MACROD2: variants seen among roughly 807,000 people sequenced by gnomAD.
The protein encoded by MACROD2 is mono-ADP ribosylhydrolase 2.
MACROD2 carries 36 observed loss-of-function variants against 70.4 expected under a neutral mutation model. The ratio of observed to expected loss-of-function variants is 0.51; its 90% CI spans 0.39 to 0.68. The LOEUF is 0.68. MACROD2 is among the 30% of genes least tolerant of loss of function. The pLI, the probability that MACROD2 is intolerant of heterozygous loss-of-function variation, is 0.00. For missense variants in MACROD2, 496 were observed against 538.4 expected (o/e 0.92, Z 0.78); for synonymous variants, 172 against 178.8 (o/e 0.96, Z 0.30).
chr20:14,435,367 T>C (rs915003537), intron 3 of MACROD2, among the ~76,000 whole-genome samples: 4 of 152,172 alleles, frequency 2.6e-5, no homozygotes, highest in African/African-American at 9.7e-5. Flanking sequence ...GCAAAGACCC[T>C]TTTTCCAATT....
intron 2 of MACROD2, among the ~76,000 whole-genome samples, chr20:14,036,179 T>C (rs2053307706): frequency 6.6e-6 from 1 of 151,990 alleles, no homozygotes; most frequent in Admixed American, 6.5e-5. Context: ...AGTTATTCAA[T>C]AATGAATAAG....
chr20:15,066,646 G>A (rs1401975336), intron 5 of MACROD2, among the ~76,000 whole-genome samples: 3 of 152,004 alleles, frequency 2.0e-5, no homozygotes, highest in Non-Finnish European at 2.9e-5. Context: ...TTGGGAGGCC[G>A]AGGCGGGTAG....
In MACROD2 at chr20:15,347,041, C is replaced by A. The variant is rs1005705826; in HGVS notation, c.541-84364C>A. ...GTTCATTCCAGTTCTTTCCTTGCTG[C>A]CTTCACAACTTTTTATTGGACCAGT... On this transcript the variant is annotated intron_variant, in intron 6 of 17. Transcript: ENST00000684519. 3.9e-5 allele frequency among the ~76,000 whole-genome samples: 6 copies of A among 152,282 alleles called. No homozygotes were observed. In the South Asian group the frequency reaches 1.2e-3, roughly 32 times the overall value.
At chr20:15,301,056 G>A (rs6034149) in intron 6 of MACROD2, among the ~76,000 whole-genome samples, 43,954 of 152,026 alleles carry the variant, frequency 0.29, 6,630 homozygotes, top group African/African-American at 0.36. Context: ...AACGTGTTCT[G>A]CTTAAGAACA....
At chr20:14,120,180 T>C (rs1161717950) in intron 3 of MACROD2, among the ~76,000 whole-genome samples, 1 of 132,066 alleles carries the variant, frequency 7.6e-6, no homozygotes, top group Admixed American at 9.1e-5. Context: ...GCCACTGCAC[T>C]CTAGCCTGGG....
chr20:15,336,878 G>A (rs964088852), intron 6 of MACROD2, among the ~76,000 whole-genome samples: 5 of 151,612 alleles, frequency 3.3e-5, no homozygotes, highest in Admixed American at 1.3e-4. Flanking sequence ...GGGTGTATGC[G>A]GACTTGTTCT....
At chr20:14,391,924 C>A (rs941683934) in intron 3 of MACROD2, among the ~76,000 whole-genome samples, 1 of 150,752 alleles carries the variant, frequency 6.6e-6, no homozygotes, top group Non-Finnish European at 1.5e-5. Flanking sequence ...CAGCATCATG[C>A]AATATACCCA....
chr20:16,024,528 C>CAG (rs2067050874), intron 15 of MACROD2, among the ~76,000 whole-genome samples: 1 of 132,856 alleles, frequency 7.5e-6, no homozygotes, highest in Non-Finnish European at 1.7e-5. Context: ...CACACACACA[C>CAG]AGACACACAC....
At chr20:15,127,688 G>A (rs576871833) in intron 5 of MACROD2, among the ~76,000 whole-genome samples, 2 of 152,208 alleles carry the variant, frequency 1.3e-5, no homozygotes, top group Admixed American at 6.6e-5. Flanking sequence ...AAGAGGTAAA[G>A]GGAGGTGGAT....
intron 7 of MACROD2, among the ~76,000 whole-genome samples, chr20:15,490,174 C>T (rs1329318377): frequency 1.3e-5 from 2 of 150,670 alleles, no homozygotes; most frequent in Non-Finnish European, 3.0e-5. Flanking sequence ...TTCCTCCTTT[C>T]CTTCCTTCCT....
intron 8 of MACROD2, among the ~76,000 whole-genome samples, chr20:15,587,367 G>A (rs758705101): frequency 2.0e-5 from 3 of 152,248 alleles, no homozygotes; most frequent in Middle Eastern, 3.4e-3. Flanking sequence ...GTTGAGATTT[G>A]AATGGGGACA....
chr20:14,709,846 A>T (rs2071316830), intron 5 of MACROD2, among the ~76,000 whole-genome samples: 3 of 152,238 alleles, frequency 2.0e-5, no homozygotes, highest in African/African-American at 7.2e-5. Flanking sequence ...AGTTTTCTGG[A>T]AAATGTACCT....
chr20:15,862,892 T>C, intron 9 of MACROD2, 66 bp downstream of exon 9: 2 of 1,185,376 alleles, frequency 1.7e-6, no homozygotes, highest in Non-Finnish European at 2.4e-6. Context: ...GTCACTTCTA[T>C]TCCTATTGTT....
intron 6 of MACROD2, among the ~76,000 whole-genome samples, chr20:15,387,155 C>A (rs2045724750): frequency 6.6e-6 from 1 of 152,070 alleles, no homozygotes; most frequent in African/African-American, 2.4e-5. Flanking sequence ...TAGGAAAGAC[C>A]TAGAATGCAG....
intron 6 of MACROD2, among the ~76,000 whole-genome samples, chr20:15,307,655 A>G (rs2146140145): frequency 6.6e-6 from 1 of 152,304 alleles, no homozygotes; most frequent in South Asian, 2.1e-4. Flanking sequence ...TAGTTTAATT[A>G]TTAACATTAA....
rs2083252113 is a variant in MACROD2 at position 14,364,289 on chromosome 20, A to G, written c.272-129190A>G. ...GGTTTGTTAGTGGAAGTTCCACTTTATGAAGGCAGATTCCTGCTGATGTAG... is the reference window on the plus strand; with the variant it reads ...GGTTTGTTAGTGGAAGTTCCACTTTGTGAAGGCAGATTCCTGCTGATGTAG... On this transcript the variant is annotated intron_variant, in intron 3 of 17. Transcript: ENST00000684519. 2.0e-5 allele frequency among the ~76,000 whole-genome samples: 3 copies of G among 152,222 alleles called. No homozygotes were observed. The South Asian group carries it at 6.2e-4, about 31-fold the overall frequency.
chr20:14,806,831 C>T (rs948559456), intron 5 of MACROD2, among the ~76,000 whole-genome samples: 1 of 152,058 alleles, frequency 6.6e-6, no homozygotes, highest in African/African-American at 2.4e-5. Context: ...CTGGGAAGTT[C>T]GAACTGGGCA....
chr20:14,413,865 C>T (rs2083774856), intron 3 of MACROD2, among the ~76,000 whole-genome samples: 1 of 149,484 alleles, frequency 6.7e-6, no homozygotes, highest in African/African-American at 2.5e-5. Flanking sequence ...ACAGCCTTTG[C>T]TCTTGGTGTG....
intron 6 of MACROD2, among the ~76,000 whole-genome samples, chr20:15,369,051 T>C (rs897474127): frequency 8.5e-5 from 13 of 152,194 alleles, no homozygotes; most frequent in African/African-American, 2.4e-4. Flanking sequence ...TTATAATGGT[T>C]CCTGATAGGA....
Sources: allele counts gnomAD v4.1 joint callset (sites outside exome capture counted in the v4.1 genomes callset), GRCh38; gene constraint gnomAD v4.1.1; transcripts MANE v1.5; gene names NCBI Gene and HGNC (gene_info 2026-07-23, HGNC 2026-07-21).